UTRN: variants seen among roughly 807,000 people sequenced by gnomAD.
The protein encoded by UTRN is utrophin.
Under a neutral mutation model 463.9 loss-of-function variants are expected in UTRN, and 283 were observed. The ratio of observed to expected loss-of-function variants is 0.61; its 90% CI spans 0.55 to 0.67. The LOEUF (loss-of-function observed/expected upper bound fraction) is 0.67. Among genes scored for constraint, UTRN ranks in the 30% least tolerant of loss-of-function variants. The probability of loss-of-function intolerance (pLI) is 0.00; values close to 1 mark genes in which losing one functional copy is unlikely to be tolerated. For missense variants in UTRN, 3,922 were observed against 4,084.3 expected (o/e 0.96, Z 1.08); for synonymous variants, 1,442 against 1,431.5 (o/e 1.01, Z -0.17).
At chr6:144,519,274 A>G (rs1413702005) in intron 39 of UTRN, among the ~76,000 whole-genome samples, 1 of 152,106 alleles carries the variant, frequency 6.6e-6, no homozygotes, top group African/African-American at 2.4e-5. Context: ...ACAGGTGACT[A>G]TGTTTTCCCT....
chr6:144,675,833 G>A (rs1781532570), intron 51 of UTRN, among the ~76,000 whole-genome samples: 3 of 152,138 alleles, frequency 2.0e-5, no homozygotes, highest in South Asian at 2.1e-4. Flanking sequence ...GAAAGTTCAC[G>A]GTGTGAGTCT....
rs1797791195 is a variant in UTRN at position 144,539,179 on chromosome 6, C to T, written c.6370-115C>T. 7 of 1,211,092 alleles carry T rather than the reference C, an allele frequency of 5.8e-6. No homozygotes were observed. The South Asian group carries it at 1.2e-4, about 21-fold the overall frequency. 75.0% of individuals were successfully genotyped at this position (1,211,092 alleles called of 1,614,324 possible). On this transcript the variant is annotated intron_variant, in intron 44 of 74. Transcript: ENST00000367545. ...AGCTTCTTATAAGTTTATTTTTTCA[C>T]TTAACAAATTAGAAAGTTACATTTG...
rs1316059176 is a variant in UTRN, at chr6:144,583,431, GAA to G, written c.7479+6145_7479+6146del. On this transcript the variant is annotated intron_variant, in intron 51 of 74. Coordinates refer to ENST00000367545, the MANE Select transcript of UTRN (RefSeq NM_007124.3). Reference sequence around the variant, plus strand: ...CAAATCATTGTCCAGTGACCGGGAGGAAATGATCGTTGCTCTTCATTTATAAT... The same window carrying G: ...CAAATCATTGTCCAGTGACCGGGAGGATGATCGTTGCTCTTCATTTATAAT... 13 of 652,968 alleles carry G rather than the reference GAA, an allele frequency of 2.0e-5. No individual in the cohort carries two copies. In the East Asian group the frequency reaches 3.6e-4, roughly 18 times the overall value. 40.4% of individuals were successfully genotyped at this position (652,968 alleles called of 1,614,324 possible). A position where few individuals can be genotyped will look rare whatever the true frequency, so the allele number is the denominator to read the frequency against.
At chr6:144,792,575 T>C (rs1776857646) in intron 62 of UTRN, among the ~76,000 whole-genome samples, 1 of 151,964 alleles carries the variant, frequency 6.6e-6, no homozygotes, top group Non-Finnish European at 1.5e-5. Flanking sequence ...GAGAAAATGA[T>C]GCATTTTGAT....
chr6:144,844,680 T>C (rs1781874789), intron 73 of UTRN, among the ~76,000 whole-genome samples: 1 of 152,242 alleles, frequency 6.6e-6, no homozygotes, highest in Admixed American at 6.5e-5. Context: ...TTTGTTCTTT[T>C]GTCCCTTTAA....
At chr6:144,369,485 C>T (rs546328009) in intron 2 of UTRN, among the ~76,000 whole-genome samples, 85 of 152,276 alleles carry the variant, frequency 5.6e-4, no homozygotes, top group African/African-American at 1.9e-3. Context: ...ATTGTGGTGG[C>T]GCGTGCCTCT....
At chr6:144,563,904 A>C (rs891884508) in intron 50 of UTRN, among the ~76,000 whole-genome samples, 2 of 152,194 alleles carry the variant, frequency 1.3e-5, no homozygotes, top group African/African-American at 4.8e-5. Flanking sequence ...ATCAAACTCA[A>C]GCATGCGGAT....
At chr6:144,452,026 T>G (rs1000734730) in intron 18 of UTRN, among the ~76,000 whole-genome samples, 1 of 152,198 alleles carries the variant, frequency 6.6e-6, no homozygotes, top group Non-Finnish European at 1.5e-5. Flanking sequence ...TCCTGGGTGC[T>G]CATACGTCTC....
Position 144,310,525 on chromosome 6 carries a change from A to C in UTRN, c.79+18618A>C, listed in dbSNP as rs559918954. ...ACTCCAGCCTGGGTAACAAGAGTGA[A>C]ACTCCGTCTCAAAAAAAAAAAAAAA... On this transcript the variant is annotated intron_variant, in intron 2 of 74. Coordinates refer to ENST00000367545, the MANE Select transcript of UTRN (RefSeq NM_007124.3). 5.7e-5 allele frequency among the ~76,000 whole-genome samples: 8 copies of C among 141,460 alleles called. No homozygotes were observed. The South Asian group carries it at 2.0e-3, about 35-fold the overall frequency. The allele number at this position is 141,460 out of a possible 152,430, so 92.8% of individuals were successfully genotyped here. A position where few individuals can be genotyped will look rare whatever the true frequency, so the allele number is the denominator to read the frequency against.
chr6:144,627,902 C>T (rs1270182365), intron 51 of UTRN, among the ~76,000 whole-genome samples: 5 of 149,738 alleles, frequency 3.3e-5, no homozygotes, highest in East Asian at 2.0e-4. Context: ...CGGGTTCAAG[C>T]GATTCTCCTG....
intron 48 of UTRN, among the ~76,000 whole-genome samples, chr6:144,551,327 A>G (rs1429489644): frequency 6.6e-6 from 1 of 152,206 alleles, no homozygotes; most frequent in Non-Finnish European, 1.5e-5. Context: ...ACGACTCTTA[A>G]GTAATTACTT....
At chr6:144,292,336 A>G (rs1312439603) in intron 2 of UTRN, among the ~76,000 whole-genome samples, 1 of 152,232 alleles carries the variant, frequency 6.6e-6, no homozygotes, top group Admixed American at 6.5e-5. Flanking sequence ...ATAGCCATTG[A>G]TAGGCCAACA....
chr6:144,572,058 T>C (rs1015043210), intron 50 of UTRN, among the ~76,000 whole-genome samples: 2 of 152,196 alleles, frequency 1.3e-5, no homozygotes, highest in Non-Finnish European at 2.9e-5. Flanking sequence ...ATTTGTTTTC[T>C]TCTTGGGGCG....
chr6:144,440,609 G>T (rs969533720), intron 13 of UTRN, 138 bp downstream of exon 13: 3 of 1,164,476 alleles, frequency 2.6e-6, no homozygotes, highest in African/African-American at 1.5e-5. Context: ...GTACTTCTCA[G>T]TTGGGGTTCT....
At chr6:144,356,741 A>C (rs1449677515) in intron 2 of UTRN, among the ~76,000 whole-genome samples, 1 of 152,080 alleles carries the variant, frequency 6.6e-6, no homozygotes, top group East Asian at 1.9e-4. Flanking sequence ...TGAATCTGGG[A>C]GGTGGAGGCA....
chr6:144,824,431 C>CTATGTATATAT (rs1779870281), intron 66 of UTRN, among the ~76,000 whole-genome samples: 1 of 112,674 alleles, frequency 8.9e-6, no homozygotes, highest in African/African-American at 3.6e-5. Context: ...CACACACACA[C>CTATGTATATAT]ATTGTATATA....
chr6:144,551,434 T>C (rs1798911486), intron 48 of UTRN, among the ~76,000 whole-genome samples: 2 of 152,228 alleles, frequency 1.3e-5, no homozygotes, highest in African/African-American at 2.4e-5. Context: ...TCTCTCATTA[T>C]ACTTTATTCT....
intron 51 of UTRN, among the ~76,000 whole-genome samples, chr6:144,595,597 G>A (rs1167830903): frequency 2.0e-5 from 3 of 152,070 alleles, no homozygotes; most frequent in African/African-American, 7.2e-5. Context: ...TACATAAAAG[G>A]GTCCATGTCT....
chr6:144,686,335 A>G (rs544997180), intron 52 of UTRN, among the ~76,000 whole-genome samples: 3 of 152,246 alleles, frequency 2.0e-5, no homozygotes, highest in South Asian at 4.1e-4. Context: ...AGAATGTTCC[A>G]TATGCTGATG....
Sources: gnomAD v4.1 joint callset for allele counts (sites outside exome capture counted in the v4.1 genomes callset) on GRCh38, gnomAD v4.1.1 for gene constraint, MANE v1.5 for transcripts, NCBI Gene and HGNC (gene_info 2026-07-23, HGNC 2026-07-21) for gene names.